EEF1D: variants seen among roughly 807,000 people sequenced by gnomAD.
EEF1D encodes eukaryotic translation elongation factor 1 delta, also known as elongation factor 1-delta.
In EEF1D, 47 loss-of-function variants were observed where a neutral mutation model predicts 63.9. That is an observed-to-expected ratio of 0.74 (90% CI 0.58 to 0.94). The LOEUF (loss-of-function observed/expected upper bound fraction) is 0.94, where lower values mean the gene tolerates loss of function less well. Among genes scored for constraint, EEF1D ranks in the 40% least tolerant of loss-of-function variants. The pLI is 0.00. For synonymous variants in EEF1D, 412 were observed against 386.1 expected (o/e 1.07, Z -0.79); for missense variants, 907 against 899.0 (o/e 1.01, Z -0.11).
intron 1 of EEF1D, chr8:143,596,592 T>C (rs1828868505): frequency 6.6e-6 from 1 of 152,258 alleles, no homozygotes; most frequent in Non-Finnish European, 1.5e-5. Flanking sequence ...CAGTGTCAAC[T>C]TAAGAAGCAC....
chr8:143,590,464 G>A, intron 2 of EEF1D: 1 of 991,314 alleles, frequency 1.0e-6, no homozygotes, highest in Non-Finnish European at 1.4e-6. Flanking sequence ...AGCTTTAACT[G>A]GCTAACTAGC....
chr8:143,595,117 T>C (rs766755015), intron 1 of EEF1D, among the ~76,000 whole-genome samples: 95 of 152,300 alleles, frequency 6.2e-4, no homozygotes, highest in Non-Finnish European at 1.1e-3. Flanking sequence ...GTCACCAGGC[T>C]GGAGTGCAGT....
At position 143,581,152 on chromosome 8, in the gene EEF1D, C is replaced by A; in HGVS notation, c.1390G>T (p.Val464Leu). ...GAGATGGCCTGCTGCAGCTCCTGTA[C>A]CACTGGGGGGGCAAGGGGAGCACGG... ...EVENQSLRGV[V>L]QELQQAISKL... is the part of the protein sequence containing the mutation. The change falls in exon 7 of 10, where the codon GTA becomes TTA. Residue 464 changes from valine to leucine, a missense_variant and splice_region_variant. Transcript: ENST00000618139. 1.2e-6 allele frequency: 2 copies of A among 1,613,006 alleles called. No homozygotes were observed. The highest frequency in any genetic ancestry group is 1.1e-5 in the South Asian group (1 of 91,080).
chr8:143,591,722 C>G (rs1188176261), intron 2 of EEF1D, among the ~76,000 whole-genome samples: 1 of 152,234 alleles, frequency 6.6e-6, no homozygotes, highest in Non-Finnish European at 1.5e-5. Flanking sequence ...TGGTCTGCAC[C>G]CAGAGGGAGG....
intron 7 of EEF1D, 155 bp downstream of exon 7, chr8:143,580,899 G>A (rs1038628066): frequency 1.8e-6 from 2 of 1,125,408 alleles, no homozygotes; most frequent in Non-Finnish European, 1.3e-6. Context: ...GCCTCCACCT[G>A]CCCAGGGCTA....
chr8:143,585,313 C>T (rs1186772111), intron 5 of EEF1D, among the ~76,000 whole-genome samples: 2 of 152,174 alleles, frequency 1.3e-5, no homozygotes, highest in Non-Finnish European at 2.9e-5. Context: ...GAAGTGGAGG[C>T]GGGGCGGGGA....
chr8:143,595,746 C>T (rs374812752), intron 1 of EEF1D, among the ~76,000 whole-genome samples: 2 of 152,184 alleles, frequency 1.3e-5, no homozygotes, highest in Non-Finnish European at 2.9e-5. Flanking sequence ...GGGCTCTGGC[C>T]GACCTGCCTG....
chr8:143,591,498 C>T (rs1442428848), intron 2 of EEF1D, among the ~76,000 whole-genome samples: 2 of 152,262 alleles, frequency 1.3e-5, no homozygotes, highest in Non-Finnish European at 2.9e-5. Flanking sequence ...CCTGCGATAG[C>T]TTCCTCCCCA....
At position 143,587,023 on chromosome 8, in the gene EEF1D, T is replaced by G. The variant is rs1400047660; in HGVS notation, c.1092-171A>C. On this transcript the variant is annotated intron_variant, in intron 3 of 9. Coordinates refer to ENST00000618139, the MANE Select transcript of EEF1D (RefSeq NM_001130053.5). ...TCACCCCACATGGCATCCCCAGGCC[T>G]GTCTTCCAGACGAGGAGTTCTCAAA... The G allele has an allele frequency of 4.8e-6, 4 of 831,626 alleles. No homozygotes were observed. The East Asian group carries it at 1.1e-4, about 22-fold the overall frequency. 51.5% of individuals were successfully genotyped at this position (831,626 alleles called of 1,614,324 possible). A position where few individuals can be genotyped will look rare whatever the true frequency, so the allele number is the denominator to read the frequency against.
chr8:143,580,337 C>G, intron 8 of EEF1D, 131 bp from the exon 9 acceptor site: 1 of 1,252,550 alleles, frequency 8.0e-7, no homozygotes. Flanking sequence ...AGAAAACAAT[C>G]CAAATTCACA....
chr8:143,586,689 G>A (rs779424872), intron 4 of EEF1D, 40 bp downstream of exon 4: 1 of 1,604,076 alleles, frequency 6.2e-7, no homozygotes, highest in South Asian at 1.1e-5. Context: ...ACTCCTGTCG[G>A]GCAGCAGAGC....
At chr8:143,593,887 G>A in intron 1 of EEF1D, 2 of 985,446 alleles carry the variant, frequency 2.0e-6, no homozygotes, top group South Asian at 4.7e-5. Flanking sequence ...GCCGGACGCA[G>A]CGCACCATCT....
chr8:143,590,271 G>A, intron 2 of EEF1D, 190 bp from the exon 3 acceptor site: 1 of 890,032 alleles, frequency 1.1e-6, no homozygotes, highest in Non-Finnish European at 1.7e-6. Context: ...GCCCATGTGG[G>A]GACGTTTTGT....
At chr8:143,594,232 C>T (rs936748306) in intron 1 of EEF1D, among the ~76,000 whole-genome samples, 2 of 152,150 alleles carry the variant, frequency 1.3e-5, no homozygotes, top group African/African-American at 2.4e-5. Context: ...CAGTGTCTGC[C>T]AAGCACCTGA....
Position 143,581,219 on chromosome 8 carries a change from G to A in EEF1D, c.1387+10C>T, listed in dbSNP as rs758460331. 22 of 1,612,552 alleles carry A rather than the reference G, an allele frequency of 1.4e-5. No homozygotes were observed. The highest frequency in any genetic ancestry group is 1.7e-4 in the Middle Eastern group (1 of 6,004). The stretch of plus-strand genomic sequence containing the variant: ...AGGGACAGCCCCAACCCACTGGCCC[G>A]GGGCCTCACCGCCACGCAGACTCTG... On this transcript the variant is annotated intron_variant, in intron 6 of 9. Coordinates refer to ENST00000618139, the MANE Select transcript of EEF1D (RefSeq NM_001130053.5).
At chr8:143,580,238 A>G in intron 8 of EEF1D, 32 bp from the exon 9 acceptor site, 1 of 1,601,552 alleles carries the variant, frequency 6.2e-7, no homozygotes, top group African/African-American at 1.3e-5. Flanking sequence ...AGCTGGGGTC[A>G]GCCACCCTCA....
chr8:143,589,924 C>T lies in EEF1D; in HGVS notation c.158G>A (p.Gly53Asp), dbSNP rs1563984382. The T allele has an allele frequency of 6.3e-7, 1 of 1,599,948 alleles. No homozygotes were observed. Among genetic ancestry groups the T allele is most frequent in the South Asian group, 1.1e-5 (1 of 90,870 alleles). ...PAEGPAMNGPGQDDPEDADEA... is the reference protein window; with the variant it reads ...PAEGPAMNGPDQDDPEDADEA... ...ATCAGCGTCCTCAGGGTCGTCCTGG[C>T]CGGGCCCATTCATGGCTGGCCCCTC... is the stretch of plus-strand genomic sequence containing the variant. The change falls in exon 3 of 10, where the codon GGC (glycine) becomes GAC (aspartate). Residue 53 changes from glycine (G) to aspartate (D), a missense_variant. Gly to Asp is a moderately conservative substitution (Grantham distance 94). Transcript: ENST00000618139.
intron 5 of EEF1D, chr8:143,582,424 C>T (rs3793368): frequency 0.72 from 109,954 of 152,364 alleles, 41,372 homozygotes; most frequent in East Asian, 0.89. Flanking sequence ...GGGCAGAAGC[C>T]GGAGCACGGG....
intron 5 of EEF1D, 57 bp downstream of exon 5, chr8:143,586,162 C>A: frequency 6.5e-7 from 1 of 1,528,324 alleles, no homozygotes; most frequent in Non-Finnish European, 8.9e-7. Context: ...CAGGAAAAAT[C>A]AGACATGCTG....
Sources: gnomAD v4.1 joint callset for allele counts (sites outside exome capture counted in the v4.1 genomes callset) on GRCh38, gnomAD v4.1.1 for gene constraint, MANE v1.5 for transcripts, NCBI Gene and HGNC (gene_info 2026-07-23, HGNC 2026-07-21) for gene names.